The following RANBP2 variants were observed in gnomAD, a reference collection of about 807,000 sequenced individuals.
RANBP2 encodes the protein RAN binding protein 2, also known as E3 SUMO-protein ligase RanBP2.
In RANBP2, 57 loss-of-function variants were observed where a neutral mutation model predicts 303.6. That is an observed-to-expected ratio of 0.19 (90% CI 0.15 to 0.23). The LOEUF (loss-of-function observed/expected upper bound fraction) is 0.23, where lower values mean the gene tolerates loss of function less well. Ranked by LOEUF, RANBP2 falls within the 10% of genes least tolerant of loss-of-function variation. The pLI, the probability that RANBP2 is intolerant of heterozygous loss-of-function variation, is 1.00. For synonymous variants in RANBP2, 1,167 were observed against 1,301.5 expected (o/e 0.90, Z 2.23); for missense variants, 3,138 against 3,780.8 (o/e 0.83, Z 4.46).
the RANBP2 span, among the ~76,000 whole-genome samples, chr2:108,809,447 GTT>G: frequency 1.7e-4 from 18 of 104,856 alleles, no homozygotes; most frequent in Admixed American, 4.0e-4. Flanking sequence ...AACATGAAAT[GTT>G]GTGTGTGTGT....
the RANBP2 span, among the ~76,000 whole-genome samples, chr2:109,024,721 C>T: frequency 6.6e-6 from 1 of 152,052 alleles, no homozygotes; most frequent in African/African-American, 2.4e-5. Context: ...GACTGTGGGC[C>T]CTAGTCTTGG....
At chr2:109,583,933 T>G in the RANBP2 span, among the ~76,000 whole-genome samples, 2 of 152,114 alleles carry the variant, frequency 1.3e-5, no homozygotes, top group African/African-American at 2.4e-5. Flanking sequence ...AAGTGGGATC[T>G]AAACATTGGG....
At chr2:108,979,981 C>T in the RANBP2 span, among the ~76,000 whole-genome samples, 6 of 142,526 alleles carry the variant, frequency 4.2e-5, no homozygotes, top group Non-Finnish European at 7.9e-5. Flanking sequence ...CTGGCCTCTG[C>T]TTCTTCACTT....
chr2:109,159,197 G>A, the RANBP2 span, among the ~76,000 whole-genome samples: 999 of 152,326 alleles, frequency 6.6e-3, 10 homozygotes, highest in African/African-American at 0.022. Context: ...GGTCTGAGCC[G>A]TGGTGCCAGG....
chr2:109,183,326 A>T, the RANBP2 span, among the ~76,000 whole-genome samples: 1 of 152,080 alleles, frequency 6.6e-6, no homozygotes, highest in Admixed American at 6.5e-5. Context: ...AAAGTAACTG[A>T]TAAGTGCTTT....
chr2:109,316,648 A>G, the RANBP2 span, among the ~76,000 whole-genome samples: 1 of 152,302 alleles, frequency 6.6e-6, no homozygotes, highest in East Asian at 1.9e-4. Flanking sequence ...CAGCCTTTCC[A>G]TCAGCATCAG....
chr2:108,822,202 A>G, the RANBP2 span, among the ~76,000 whole-genome samples: 1 of 152,216 alleles, frequency 6.6e-6, no homozygotes, highest in East Asian at 1.9e-4. Flanking sequence ...AAAAACTGTT[A>G]CAAGAGACAA....
At chr2:109,002,971 G>A in the RANBP2 span, among the ~76,000 whole-genome samples, 1 of 152,058 alleles carries the variant, frequency 6.6e-6, no homozygotes, top group African/African-American at 2.4e-5. Context: ...ACTTTGGGAG[G>A]CAGAGGTGGG....
intron 8 of RANBP2, among the ~76,000 whole-genome samples, chr2:108,747,415 T>G (rs1039089143): frequency 2.6e-5 from 4 of 152,216 alleles, no homozygotes; most frequent in African/African-American, 9.7e-5. Context: ...GATATAAAAT[T>G]GGATGAATTT....
chr2:108,832,116 G>A, the RANBP2 span, among the ~76,000 whole-genome samples: 9 of 151,652 alleles, frequency 5.9e-5, no homozygotes, highest in East Asian at 1.9e-4. Flanking sequence ...TTCAACCTCC[G>A]CCTCCTGGGT....
chr2:108,913,938 C>T, the RANBP2 span, among the ~76,000 whole-genome samples: 16 of 95,132 alleles, frequency 1.7e-4, no homozygotes, highest in Non-Finnish European at 2.8e-4. Flanking sequence ...TGACACAGTG[C>T]GATTCCGTCT....
chr2:109,551,180 A>ATGTTCACACACTATTATC, the RANBP2 span, among the ~76,000 whole-genome samples: 1 of 152,188 alleles, frequency 6.6e-6, no homozygotes, highest in Non-Finnish European at 1.5e-5. Flanking sequence ...TAGTCATCTA[A>ATGTTCACACACTATTATC]TGTTCACACA....
At chr2:109,309,770 C>A in the RANBP2 span, among the ~76,000 whole-genome samples, 1 of 124,514 alleles carries the variant, frequency 8.0e-6, no homozygotes, top group Non-Finnish European at 1.6e-5. Context: ...GTAAAGGGAT[C>A]AATTCAACAA....
the RANBP2 span, among the ~76,000 whole-genome samples, chr2:109,455,624 C>T: frequency 6.6e-6 from 1 of 152,198 alleles, no homozygotes; most frequent in Non-Finnish European, 1.5e-5. Flanking sequence ...GAGGATGAAG[C>T]TCTTTTGAGT....
At chr2:109,250,580 C>T in the RANBP2 span, among the ~76,000 whole-genome samples, 80 of 151,502 alleles carry the variant, frequency 5.3e-4, no homozygotes, top group Middle Eastern at 6.8e-3. Context: ...TACAGAAAAA[C>T]CTTTAACAAA....
At chr2:109,299,140 A>G in the RANBP2 span, among the ~76,000 whole-genome samples, 1 of 152,136 alleles carries the variant, frequency 6.6e-6, no homozygotes, top group African/African-American at 2.4e-5. Flanking sequence ...TCCTCTCCCC[A>G]TGGGTGTTGC....
the RANBP2 span, among the ~76,000 whole-genome samples, chr2:109,015,676 TA>T: frequency 6.6e-6 from 1 of 151,992 alleles, no homozygotes; most frequent in Non-Finnish European, 1.5e-5. Flanking sequence ...GAGAATCGCT[TA>T]AACTCAGGAG....
the RANBP2 span, among the ~76,000 whole-genome samples, chr2:109,044,290 G>A: frequency 1.3e-5 from 2 of 152,070 alleles, no homozygotes; most frequent in Non-Finnish European, 2.9e-5. Flanking sequence ...GGAGGCCGAG[G>A]CAGGCGGATC....
the RANBP2 span, among the ~76,000 whole-genome samples, chr2:109,465,514 T>C: frequency 1.3e-5 from 2 of 152,376 alleles, no homozygotes; most frequent in Non-Finnish European, 1.5e-5. Context: ...TTTTGGATTT[T>C]GCCATCCTAA....
Sources: gnomAD v4.1 joint callset for allele counts (sites outside exome capture counted in the v4.1 genomes callset) on GRCh38, gnomAD v4.1.1 for gene constraint, MANE v1.5 for transcripts, NCBI Gene and HGNC (gene_info 2026-07-23, HGNC 2026-07-21) for gene names.